The following TTN variants were observed in gnomAD, a reference collection of about 807,000 sequenced individuals.
The protein encoded by TTN is connectin.
Under a neutral mutation model 3,223.0 loss-of-function variants are expected in TTN, and 1,525 were observed. The ratio of observed to expected loss-of-function variants is 0.47; its 90% CI spans 0.45 to 0.49. The LOEUF (loss-of-function observed/expected upper bound fraction) is 0.49. TTN is among the 20% of genes least tolerant of loss of function. The pLI is 0.00. For synonymous variants in TTN, 14,094 were observed against 15,161.0 expected, an observed-to-expected ratio of 0.93 and a Z score of 5.17; for missense variants, 40,786 against 43,424.0, an observed-to-expected ratio of 0.94 and a Z score of 5.40.
At position 178,733,764 on chromosome 2, in the gene TTN, T is replaced by C. The variant is rs1392727449; in HGVS notation, c.15625A>G (p.Arg5209Gly). 1.2e-6 allele frequency: 2 copies of C among 1,613,768 alleles called. No individual in the cohort carries two copies. The highest frequency in any genetic ancestry group is 1.7e-6 in the Non-Finnish European group (2 of 1,179,800). ...VTWMKGQEVI[R>G]EDGKIKMSFS... Reference sequence around the variant, plus strand: ...CTCATTTTGATTTTTCCGTCTTCTCTGATGACCTCTTGACCTTTCATCCAT... The same window carrying C: ...CTCATTTTGATTTTTCCGTCTTCTCCGATGACCTCTTGACCTTTCATCCAT... The change falls in exon 53 of 363, where the codon AGA becomes GGA. Residue 5209 changes from arginine (R) to glycine (G), a missense_variant. By Grantham distance (125) the Arg-to-Gly change is moderately radical (BLOSUM62 -2). Coordinates refer to ENST00000589042, the MANE Select transcript of TTN (RefSeq NM_001267550.2).
chr2:178,647,040 G>T, intron 215 of TTN, 24 bp downstream of exon 215: 1 of 730,492 alleles, frequency 1.4e-6, no homozygotes, highest in Non-Finnish European at 1.9e-6. Flanking sequence ...TTAAAAAAAT[G>T]TATATATATA....
chr2:178,594,633 A>T lies in TTN; in HGVS notation c.57861T>A (p.Arg19287=). 6.2e-7 allele frequency: 1 copy of T among 1,604,348 alleles called. No individual in the cohort carries two copies. The highest frequency in any genetic ancestry group is 8.5e-7 in the Non-Finnish European group (1 of 1,174,858). The stretch of plus-strand genomic sequence containing the variant: ...CTTCTTTGACTTCCAGGTCTTCAGG[A>T]CGCTCTGGTACAGCTGCGAATATAA... ...VIREPITVPE[R]PEDLEVKEVT... The change falls in exon 296 of 363, where the codon CGT becomes CGA. Residue 19287 remains arginine (R), a synonymous_variant. Coordinates refer to ENST00000589042, the MANE Select transcript of TTN (RefSeq NM_001267550.2).
chr2:178,615,304 TACTTTGTTTCTGCA>T lies in TTN; in HGVS notation c.48627_48638+2del. 1 of 1,612,090 alleles carries T rather than the reference TACTTTGTTTCTGCA, an allele frequency of 6.2e-7. No individual in the cohort carries two copies. The highest frequency in any genetic ancestry group is 2.2e-5 in the East Asian group (1 of 44,640). On this transcript the variant is annotated splice_donor_variant and coding_sequence_variant, in exon 259 of 363. Coordinates refer to ENST00000589042, the MANE Select transcript of TTN (RefSeq NM_001267550.2). LOFTEE classifies it high-confidence loss of function. The stretch of plus-strand genomic sequence containing the variant: ...TTACTCTCATGCCAAATTAAAAACC[TACTTTGTTTCTGCA>T]ACAGGTTCTCCACAGGCAACCCATT...
In TTN at chr2:178,730,203, G is replaced by C. The variant is rs762434229; in HGVS notation, c.18197C>G (p.Ser6066Cys). 3 of 1,613,360 alleles carry C rather than the reference G, an allele frequency of 1.9e-6. No individual in the cohort carries two copies. Among genetic ancestry groups the C allele is most frequent in the Non-Finnish European group, 2.5e-6 (3 of 1,179,660 alleles). Residue 6066 changes from serine (S) to cysteine (C), a missense_variant, in exon 62 of 363, where the codon TCT becomes TGT. By Grantham distance (112) the Ser-to-Cys change is moderately radical (BLOSUM62 -1). Transcript: ENST00000589042. The stretch of plus-strand genomic sequence containing the variant: ...GGCTGCAAAGAGCTCTAGACTGGTA[G>C]AGGTGTCATCCTTCCAAACTGAGCG... ...AARSVWKDDT[S>C]TSLELFAAKA... is the part of the protein sequence containing the mutation.
chr2:178,619,374 C>A, intron 250 of TTN: 1 of 539,738 alleles, frequency 1.9e-6, no homozygotes, highest in Non-Finnish European at 3.2e-6. Flanking sequence ...TAGTTGTAGC[C>A]TAAGTTCATA....
rs397517790 is a variant in TTN, at chr2:178,532,230, C to T, written c.104385G>A (p.Lys34795=). The T allele has an allele frequency of 1.2e-5, 19 of 1,613,446 alleles. No individual in the cohort carries two copies. In the African/African-American group the frequency reaches 2.5e-4, roughly 22 times the overall value. ...TTGATTTCTTTCTAGACTTTTCCTC[C>T]TTTGACATGAAGTCAAGTTCGCTTT... ...EYKSELDFMS[K]EEKSRKKSRR... is the part of the protein sequence containing the mutation. The change falls in exon 358 of 363, where the codon AAG becomes AAA. Residue 34795 remains lysine, a synonymous_variant. Transcript: ENST00000589042.
In TTN at chr2:178,717,047, G is replaced by C. The variant is rs537805481; in HGVS notation, c.25639+48C>G. 205 of 1,553,970 alleles carry C rather than the reference G, an allele frequency of 1.3e-4. 5 individuals carry two copies. The South Asian group carries it at 1.8e-3, about 14-fold the overall frequency. ...GCACACCCACCCTCCTATATTTTAA[G>C]ATACTGAAAATGTAAAAGAGATCTT... On this transcript the variant is annotated intron_variant, in intron 88 of 362. Transcript: ENST00000589042.
chr2:178,758,378 A>T lies in TTN; in HGVS notation c.10304-462T>A, dbSNP rs547930311. On this transcript the variant is annotated intron_variant, in intron 44 of 362. Transcript: ENST00000589042. ...TTTGCTCAGGAAAAATAGTACCACT[A>T]TATAAAAATGCTATCCTTGTTTGAA... is the stretch of plus-strand genomic sequence containing the variant. Among the ~76,000 whole-genome samples, 13 of 152,342 alleles carry T rather than the reference A, an allele frequency of 8.5e-5. 1 individual carries two copies. In the South Asian group the frequency reaches 2.7e-3, roughly 32 times the overall value.
rs1312264246 is a variant in TTN, at chr2:178,559,650, G to C, written c.86482C>G (p.Gln28828Glu). 4 of 1,613,558 alleles carry C rather than the reference G, an allele frequency of 2.5e-6. No individual in the cohort carries two copies. The highest frequency in any genetic ancestry group is 3.4e-6 in the Non-Finnish European group (4 of 1,179,684). The change falls in exon 326 of 363, where the codon CAG (glutamine) becomes GAG (glutamate). Residue 28828 changes from glutamine (Q) to glutamate (E), a missense_variant. By Grantham distance (29) the Gln-to-Glu change is conservative. Coordinates refer to ENST00000589042, the MANE Select transcript of TTN (RefSeq NM_001267550.2). ...NDSGKYTLTI[Q>E]NVLSAASLTL... Reference sequence around the variant, plus strand: ...AGTGAAGCAGCACTCAAAACATTCTGAATTGTTAATGTGTACTTTCCAGAG... The same window carrying C: ...AGTGAAGCAGCACTCAAAACATTCTCAATTGTTAATGTGTACTTTCCAGAG...
Position 178,799,649 on chromosome 2 carries a change from T to C in TTN, c.752A>G (p.His251Arg), listed in dbSNP as rs587782983. 2.0e-5 allele frequency: 33 copies of C among 1,614,034 alleles called. No individual in the cohort carries two copies. The highest frequency in any genetic ancestry group is 1.6e-4 in the Middle Eastern group (1 of 6,084). ...IDGAAGQQLP[H>R]KTPPRIPPKP... ...CGGAGGAATCCTGGGAGGTGTTTTA[T>C]GTGGCAGCTGTTGCCCAGCGGCACC... The change falls in exon 6 of 363, where the codon CAT (histidine) becomes CGT (arginine). Residue 251 changes from histidine (H) to arginine (R), a missense_variant. Transcript: ENST00000589042.
chr2:178,634,216 T>C lies in TTN; in HGVS notation c.42416-133A>G. ...TTCATCTTTCCAAATAGAGCTCCACTAAAAACAAATTAAGGGGGGTTGTTT... is the reference window on the plus strand; with the variant it reads ...TTCATCTTTCCAAATAGAGCTCCACCAAAAACAAATTAAGGGGGGTTGTTT... On this transcript the variant is annotated intron_variant, in intron 230 of 362. Transcript: ENST00000589042. The surrounding 1 kb of genome is among the most constrained non-coding windows in gnomAD (Gnocchi z 4.6). 1.4e-6 allele frequency: 2 copies of C among 1,480,364 alleles called. No homozygotes were observed. The highest frequency in any genetic ancestry group is 1.8e-6 in the Non-Finnish European group (2 of 1,115,556). 91.7% of individuals were successfully genotyped at this position (1,480,364 alleles called of 1,614,324 possible). A position where few individuals can be genotyped will look rare whatever the true frequency, so the allele number is the denominator to read the frequency against.
rs759136146 is a variant in TTN, at chr2:178,554,460, G to A, written c.88887C>T (p.Asn29629=). The change falls in exon 332 of 363, where the codon AAC becomes AAT. Residue 29629 remains asparagine, a synonymous_variant. Coordinates refer to ENST00000589042, the MANE Select transcript of TTN (RefSeq NM_001267550.2). The part of the protein sequence containing the change: ...PLESDSVVAK[N]AFVTPGPPGI... ...AATGAAATCATGTCTCACCAAATGCGTTCTTGGCTACAACGGAATCAGATT... is the reference window on the plus strand; with the variant it reads ...AATGAAATCATGTCTCACCAAATGCATTCTTGGCTACAACGGAATCAGATT... 1.6e-5 allele frequency: 25 copies of A among 1,612,774 alleles called. No homozygotes were observed. Among genetic ancestry groups the A allele is most frequent in the South Asian group, 5.5e-5 (5 of 90,886 alleles).
intron 120 of TTN, 46 bp from the exon 121 acceptor site, chr2:178,692,145 C>A: frequency 6.6e-7 from 1 of 1,524,084 alleles, no homozygotes; most frequent in African/African-American, 1.4e-5. Flanking sequence ...TTCTAGTCAC[C>A]TTCTGAGACA....
chr2:178,668,259 A>G (rs900603875), intron 159 of TTN, among the ~76,000 whole-genome samples: 1 of 152,204 alleles, frequency 6.6e-6, no homozygotes, highest in Non-Finnish European at 1.5e-5. Flanking sequence ...AAGGCAAATA[A>G]AGACAACAAA....
At position 178,725,349 on chromosome 2, in the gene TTN, C is replaced by T. The variant is rs746605069; in HGVS notation, c.20836+19G>A. ...TCCAGCATTTGGCACCAGTTTCTAT[C>T]GTGGGCTATTGTACCAACCTAAGAC... On this transcript the variant is annotated intron_variant, in intron 71 of 362. Transcript: ENST00000589042. 6 of 1,458,066 alleles carry T rather than the reference C, an allele frequency of 4.1e-6. No individual in the cohort carries two copies. The highest frequency in any genetic ancestry group is 5.5e-5 in the Admixed American group (2 of 36,314). 90.3% of individuals were successfully genotyped at this position (1,458,066 alleles called of 1,614,324 possible).
chr2:178,711,707 T>TA (rs1385881591), intron 96 of TTN, among the ~76,000 whole-genome samples: 1 of 152,190 alleles, frequency 6.6e-6, no homozygotes, highest in Non-Finnish European at 1.5e-5. Context: ...GGTCACTTTT[T>TA]AAAAAAGATT....
rs2082304621 is a variant in TTN, at chr2:178,740,510, T to C, written c.12723A>G (p.Val4241=). ...EEVLSPKEKT[V]SDTNREQRVT... ...CTCTTTGCTCTCTGTTGGTGTCAGATACTGTCTTTTCTTTTGGTGAAAGTA... is the reference window on the plus strand; with the variant it reads ...CTCTTTGCTCTCTGTTGGTGTCAGACACTGTCTTTTCTTTTGGTGAAAGTA... The change falls in exon 48 of 363, where the codon GTA becomes GTG. Residue 4241 remains valine, a synonymous_variant. Coordinates refer to ENST00000589042, the MANE Select transcript of TTN (RefSeq NM_001267550.2). 6.2e-7 allele frequency: 1 copy of C among 1,613,656 alleles called. No homozygotes were observed. The highest frequency in any genetic ancestry group is 1.7e-5 in the Admixed American group (1 of 59,982).
intron 311 of TTN, 108 bp downstream of exon 311, chr2:178,584,168 A>T: frequency 7.8e-7 from 1 of 1,286,254 alleles, no homozygotes; most frequent in Non-Finnish European, 1.1e-6. Context: ...TAATCTTCAG[A>T]TCTCTACTAC....
intron 6 of TTN, 59 bp downstream of exon 6, chr2:178,799,428 T>C: frequency 5.0e-6 from 8 of 1,612,132 alleles, no homozygotes; most frequent in Non-Finnish European, 6.8e-6. Flanking sequence ...GGAATCTTTC[T>C]CGTTTCAAAA....
Sources: gnomAD v4.1 joint callset for allele counts (sites outside exome capture counted in the v4.1 genomes callset) on GRCh38, gnomAD v4.1.1 for gene constraint, Gnocchi (gnomAD v3.1) non-coding constraint, MANE v1.5 for transcripts, NCBI Gene and HGNC (gene_info 2026-07-23, HGNC 2026-07-21) for gene names.